Variants in FSHR observed in about 807,000 individuals in gnomAD.
The protein encoded by FSHR is follicle-stimulating hormone receptor.
Under a neutral mutation model 52.1 loss-of-function variants are expected in FSHR, and 46 were observed. The ratio of observed to expected loss-of-function variants is 0.88; its 90% CI spans 0.70 to 1.13. FSHR has a LOEUF of 1.13. FSHR is among the 50% of genes most tolerant of loss of function. The probability of loss-of-function intolerance (pLI) is 0.00; values close to 1 mark genes in which losing one functional copy is unlikely to be tolerated. For missense variants in FSHR, 964 were observed against 834.6 expected (o/e 1.16, Z -1.91); for synonymous variants, 399 against 309.6 (o/e 1.29, Z -3.03).
intron 2 of FSHR, among the ~76,000 whole-genome samples, chr2:49,062,996 A>G (rs1388656172): frequency 6.6e-6 from 1 of 152,194 alleles, no homozygotes; most frequent in South Asian, 2.1e-4. Flanking sequence ...AGAAGTTAGT[A>G]CAGCCATTAT....
intron 2 of FSHR, among the ~76,000 whole-genome samples, chr2:49,058,003 A>G (rs978692879): frequency 2.0e-5 from 3 of 152,208 alleles, no homozygotes; most frequent in African/African-American, 7.2e-5. Flanking sequence ...AATTAGGTAT[A>G]GAAGGAAAGT....
At chr2:48,997,417 C>A (rs745374015) in intron 4 of FSHR, 1 of 984,204 alleles carries the variant, frequency 1.0e-6, no homozygotes, top group Non-Finnish European at 1.2e-6. Flanking sequence ...TCAGTCCTAT[C>A]GGCTTGGCTG....
intron 1 of FSHR, among the ~76,000 whole-genome samples, chr2:49,124,784 T>C (rs1671942665): frequency 6.6e-6 from 1 of 152,238 alleles, no homozygotes; most frequent in South Asian, 2.1e-4. Flanking sequence ...TCCTTTGACC[T>C]CCTTTAGTCA....
At chr2:48,980,674 T>A (rs911898228) in intron 8 of FSHR, among the ~76,000 whole-genome samples, 3 of 152,224 alleles carry the variant, frequency 2.0e-5, no homozygotes, top group Non-Finnish European at 4.4e-5. Flanking sequence ...AACTTTTAGA[T>A]GTTCAATTAA....
intron 4 of FSHR, among the ~76,000 whole-genome samples, chr2:49,009,521 G>A (rs1436156855): frequency 1.3e-4 from 17 of 130,352 alleles, no homozygotes; most frequent in African/African-American, 4.4e-4. Flanking sequence ...CTCTTTTTTG[G>A]TTCCATATGA....
intron 1 of FSHR, among the ~76,000 whole-genome samples, chr2:49,084,746 A>G (rs1352985951): frequency 3.9e-5 from 6 of 152,258 alleles, no homozygotes; most frequent in Non-Finnish European, 8.8e-5. Flanking sequence ...AAAATCTAGA[A>G]GAAATGGATA....
intron 8 of FSHR, among the ~76,000 whole-genome samples, chr2:48,969,328 G>C (rs1295365722): frequency 6.6e-6 from 1 of 152,178 alleles, no homozygotes; most frequent in Non-Finnish European, 1.5e-5. Context: ...CAGAAAAAGG[G>C]ACAAGAAGGA....
At position 49,002,821 on chromosome 2, in the gene FSHR, G is replaced by A. The variant is rs1294428474; in HGVS notation, c.375-12184C>T. ...GTTCTCACAGGCAGGGCCAGGGCTG[G>A]AACCTGGGTCTTTGGATCTCCTGTA... is the stretch of plus-strand genomic sequence containing the variant. On this transcript the variant is annotated intron_variant, in intron 4 of 9. Transcript: ENST00000406846. 2.0e-5 allele frequency among the ~76,000 whole-genome samples: 3 copies of A among 152,130 alleles called. No individual in the cohort carries two copies. In the South Asian group the frequency reaches 6.2e-4, roughly 32 times the overall value.
In FSHR at chr2:49,137,310, G is replaced by A. The variant is rs564204744; in HGVS notation, c.152+16956C>T. On this transcript the variant is annotated intron_variant, in intron 1 of 9. Coordinates refer to ENST00000406846, the MANE Select transcript of FSHR (RefSeq NM_000145.4). ...TTAACAAAAGGAGTACAAAACTTAT[G>A]TCTTGAAAACTATAAAATAATTATT... is the stretch of plus-strand genomic sequence containing the variant. 5.3e-5 allele frequency among the ~76,000 whole-genome samples: 8 copies of A among 152,108 alleles called. No homozygotes were observed. In the South Asian group the frequency reaches 1.5e-3, roughly 28 times the overall value.
rs1009246568 is a variant in FSHR at position 49,139,153 on chromosome 2, T to C, written c.152+15113A>G. Reference sequence around the variant, plus strand: ...AAGCTCATCTGGCAATGTTTTCTAATTTGAAGAACAATGCAGGTTTTCACA... The same window carrying C: ...AAGCTCATCTGGCAATGTTTTCTAACTTGAAGAACAATGCAGGTTTTCACA... On this transcript the variant is annotated intron_variant, in intron 1 of 9. Coordinates refer to ENST00000406846, the MANE Select transcript of FSHR (RefSeq NM_000145.4). Among the ~76,000 whole-genome samples the C allele has an allele frequency of 2.0e-5, 3 of 152,216 alleles. No homozygotes were observed. In the South Asian group the frequency reaches 6.2e-4, roughly 32 times the overall value.
intron 2 of FSHR, among the ~76,000 whole-genome samples, chr2:49,033,944 G>C (rs1668190684): frequency 6.6e-6 from 1 of 152,148 alleles, no homozygotes; most frequent in Non-Finnish European, 1.5e-5. Flanking sequence ...TAGCAGGCTG[G>C]ATATCAATGG....
intron 2 of FSHR, among the ~76,000 whole-genome samples, chr2:49,023,874 C>T (rs915762591): frequency 2.0e-5 from 3 of 152,112 alleles, no homozygotes; most frequent in Admixed American, 1.3e-4. Context: ...GGCATTCTCT[C>T]TGGTGTGGGT....
intron 1 of FSHR, among the ~76,000 whole-genome samples, chr2:49,068,656 TTTA>T (rs1201675936): frequency 6.6e-6 from 1 of 152,098 alleles, no homozygotes; most frequent in Non-Finnish European, 1.5e-5. Context: ...TACCTCTTCC[TTTA>T]TTGTCATTCT....
chr2:49,083,124 C>A (rs1209415882), intron 1 of FSHR, among the ~76,000 whole-genome samples: 1 of 151,648 alleles, frequency 6.6e-6, no homozygotes, highest in Non-Finnish European at 1.5e-5. Flanking sequence ...AAAGGGAAGC[C>A]CATCAGACTA....
At chr2:49,128,020 G>C (rs1275672843) in intron 1 of FSHR, among the ~76,000 whole-genome samples, 1 of 150,940 alleles carries the variant, frequency 6.6e-6, no homozygotes, top group Non-Finnish European at 1.5e-5. Flanking sequence ...AGCCTCCCAA[G>C]TAGCTGGGAT....
chr2:48,990,990 C>T (rs1380589450), intron 4 of FSHR, among the ~76,000 whole-genome samples: 1 of 152,016 alleles, frequency 6.6e-6, no homozygotes, highest in African/African-American at 2.4e-5. Context: ...CCTCATCATA[C>T]TTGTTGGAAA....
At chr2:49,014,375 C>A (rs1187908261) in intron 4 of FSHR, among the ~76,000 whole-genome samples, 1 of 152,054 alleles carries the variant, frequency 6.6e-6, no homozygotes, top group African/African-American at 2.4e-5. Context: ...ACTCAACACC[C>A]CAAAGTGAGA....
intron 1 of FSHR, among the ~76,000 whole-genome samples, chr2:49,099,640 A>G (rs1366805690): frequency 2.0e-5 from 3 of 152,174 alleles, no homozygotes. Flanking sequence ...TAGAAAATAG[A>G]CATACAGGGA....
chr2:49,145,809 T>C (rs1672849588), intron 1 of FSHR, among the ~76,000 whole-genome samples: 1 of 152,100 alleles, frequency 6.6e-6, no homozygotes, highest in South Asian at 2.1e-4. Context: ...TAATAAATAT[T>C]TGCTGTTCAA....
Sources: allele counts gnomAD v4.1 joint callset (sites outside exome capture counted in the v4.1 genomes callset), GRCh38; gene constraint gnomAD v4.1.1; transcripts MANE v1.5; gene names NCBI Gene and HGNC (gene_info 2026-07-23, HGNC 2026-07-21).